Variants in PTPRT observed in about 807,000 individuals in gnomAD.
The protein encoded by PTPRT is receptor-type tyrosine-protein phosphatase T.
A neutral mutation model predicts 176.8 loss-of-function variants in PTPRT; 56 were observed. That is an observed-to-expected ratio of 0.32 (90% CI 0.26 to 0.40). PTPRT has a LOEUF of 0.40. PTPRT is among the 10% of genes least tolerant of loss of function. The pLI is 1.00. For synonymous variants in PTPRT, 783 were observed against 739.0 expected (o/e 1.06, Z -0.96); for missense variants, 1,540 against 1,908.2 (o/e 0.81, Z 3.60).
intron 13 of PTPRT, among the ~76,000 whole-genome samples, chr20:42,254,537 TTAGA>T (rs1156944941): frequency 1.3e-5 from 2 of 152,172 alleles, no homozygotes; most frequent in Admixed American, 1.3e-4. Context: ...TTTTTTGCCT[TTAGA>T]TAGATAAAGG....
At chr20:42,740,740 A>T (rs918965980) in intron 6 of PTPRT, among the ~76,000 whole-genome samples, 7 of 152,198 alleles carry the variant, frequency 4.6e-5, no homozygotes, top group East Asian at 1.9e-4. Flanking sequence ...GTCCTGAGGC[A>T]ACTGTCTGCT....
downstream of PTPRT, among the ~76,000 whole-genome samples, chr20:42,072,566 T>A (rs1982401933): frequency 6.6e-6 from 1 of 152,228 alleles, no homozygotes; most frequent in Non-Finnish European, 1.5e-5. Flanking sequence ...CAATGTGCAG[T>A]CATGGAAAAT....
chr20:43,085,790 T>C (rs2011587822), intron 1 of PTPRT, among the ~76,000 whole-genome samples: 1 of 152,158 alleles, frequency 6.6e-6, no homozygotes, highest in Non-Finnish European at 1.5e-5. Context: ...CAATTCAAGA[T>C]GAGATTTGGG....
intron 18 of PTPRT, among the ~76,000 whole-genome samples, chr20:42,133,220 T>C (rs541865474): frequency 3.3e-5 from 5 of 152,328 alleles, no homozygotes; most frequent in Admixed American, 6.5e-5. Context: ...GGCTAAGCTA[T>C]GATGTTTGTC....
intron 7 of PTPRT, among the ~76,000 whole-genome samples, chr20:42,531,951 G>T (rs2072391838): frequency 6.6e-6 from 1 of 152,218 alleles, no homozygotes. Flanking sequence ...GAGCTGGGAA[G>T]ATGAGCGTGC....
chr20:42,874,184 A>G (rs1476578889), intron 2 of PTPRT, among the ~76,000 whole-genome samples: 1 of 152,090 alleles, frequency 6.6e-6, no homozygotes, highest in East Asian at 1.9e-4. Flanking sequence ...GGGAGTGGCT[A>G]AAGTTGAAGC....
intron 11 of PTPRT, among the ~76,000 whole-genome samples, chr20:42,317,802 G>A (rs1050244104): frequency 5.3e-5 from 8 of 152,296 alleles, no homozygotes; most frequent in African/African-American, 7.2e-5. Flanking sequence ...AAAAGGAAGC[G>A]CTGGGCATAT....
chr20:42,490,606 A>T (rs2071545723), intron 7 of PTPRT, among the ~76,000 whole-genome samples: 1 of 152,098 alleles, frequency 6.6e-6, no homozygotes, highest in South Asian at 2.1e-4. Context: ...TTTGATTGCA[A>T]TTGATTTTTC....
chr20:42,414,787 T>C (rs1337653685), intron 9 of PTPRT, among the ~76,000 whole-genome samples: 2 of 152,222 alleles, frequency 1.3e-5, no homozygotes, highest in African/African-American at 4.8e-5. Flanking sequence ...AAATTCAATA[T>C]TGTAAAGGTA....
At chr20:42,119,350 G>A (rs888574895) in intron 20 of PTPRT, among the ~76,000 whole-genome samples, 2 of 152,088 alleles carry the variant, frequency 1.3e-5, no homozygotes, top group South Asian at 4.1e-4. Flanking sequence ...CAATTGTTGG[G>A]CATTTAAGAT....
chr20:42,414,733 T>C (rs909335219), intron 9 of PTPRT, among the ~76,000 whole-genome samples: 1 of 152,212 alleles, frequency 6.6e-6, no homozygotes, highest in Non-Finnish European at 1.5e-5. Flanking sequence ...AATAAAGCTA[T>C]GAAATTCTAC....
intron 12 of PTPRT, among the ~76,000 whole-genome samples, chr20:42,294,730 C>T (rs2057364216): frequency 6.6e-6 from 1 of 151,444 alleles, no homozygotes; most frequent in Non-Finnish European, 1.5e-5. Context: ...ATTAAATATC[C>T]TCAAACAACT....
At chr20:42,211,206 T>C (rs2055617548) in intron 15 of PTPRT, among the ~76,000 whole-genome samples, 1 of 152,108 alleles carries the variant, frequency 6.6e-6, no homozygotes, top group Non-Finnish European at 1.5e-5. Flanking sequence ...GAAGGAAACC[T>C]AGGCATTACC....
chr20:42,735,046 A>G (rs1256548451), intron 6 of PTPRT, among the ~76,000 whole-genome samples: 1 of 152,248 alleles, frequency 6.6e-6, no homozygotes, highest in African/African-American at 2.4e-5. Context: ...GAAGTGCTCA[A>G]TAAGGAATTG....
chr20:42,632,137 C>T (rs1393518228), intron 7 of PTPRT, among the ~76,000 whole-genome samples: 2 of 152,142 alleles, frequency 1.3e-5, no homozygotes, highest in Non-Finnish European at 2.9e-5. Flanking sequence ...GGCAATCCTT[C>T]CTATGCATTG....
intron 3 of PTPRT, among the ~76,000 whole-genome samples, chr20:42,787,696 T>C (rs1038377899): frequency 1.3e-5 from 2 of 152,226 alleles, no homozygotes; most frequent in African/African-American, 4.8e-5. Context: ...ATATGCTTAA[T>C]GCAATTCTGA....
chr20:42,783,132 C>T (rs1242329325), intron 3 of PTPRT, among the ~76,000 whole-genome samples: 1 of 152,118 alleles, frequency 6.6e-6, no homozygotes, highest in East Asian at 1.9e-4. Context: ...TAGCTTTGGG[C>T]CTATACATTT....
chr20:42,847,884 C>A (rs1284706906), intron 2 of PTPRT, among the ~76,000 whole-genome samples: 1 of 152,172 alleles, frequency 6.6e-6, no homozygotes, highest in Non-Finnish European at 1.5e-5. Flanking sequence ...TATTTGGGTA[C>A]ATGACTAAGT....
At chr20:42,476,747 A>G (rs2145311588) in intron 7 of PTPRT, among the ~76,000 whole-genome samples, 1 of 152,310 alleles carries the variant, frequency 6.6e-6, no homozygotes, top group African/African-American at 2.4e-5. Context: ...ATGGCTATTA[A>G]GTAGCAACTC....
Sources: gnomAD v4.1 joint callset for allele counts (sites outside exome capture counted in the v4.1 genomes callset) on GRCh38, gnomAD v4.1.1 for gene constraint, MANE v1.5 for transcripts, NCBI Gene and HGNC (gene_info 2026-07-23, HGNC 2026-07-21) for gene names.